SEC63: variants seen among roughly 807,000 people sequenced by gnomAD.
SEC63 encodes SEC63 protein translocation regulator, also known as translocation protein SEC63 homolog.
A neutral mutation model predicts 116.2 loss-of-function variants in SEC63; 56 were observed. The ratio of observed to expected loss-of-function variants is 0.48; its 90% confidence interval spans 0.39 to 0.60. The LOEUF is 0.60. Ranked by LOEUF, SEC63 falls within the 20% of genes least tolerant of loss-of-function variation. SEC63 has a pLI of 0.00. For missense variants in SEC63, 668 were observed against 900.0 expected, an observed-to-expected ratio of 0.74 and a Z score of 3.30; for synonymous variants, 273 against 294.6, an observed-to-expected ratio of 0.93 and a Z score of 0.75.
At chr6:107,922,673 G>A (rs1358409574) in intron 3 of SEC63, among the ~76,000 whole-genome samples, 25 of 152,010 alleles carry the variant, frequency 1.6e-4, no homozygotes, top group Admixed American at 5.9e-4. Context: ...TCTTAGTCTC[G>A]ATTTCTATTA....
At chr6:107,919,606 A>G (rs1787500264) in intron 4 of SEC63, among the ~76,000 whole-genome samples, 1 of 152,088 alleles carries the variant, frequency 6.6e-6, no homozygotes, top group Non-Finnish European at 1.5e-5. Flanking sequence ...GCGTATCACA[A>G]GGTCAGGAAA....
intron 17 of SEC63, among the ~76,000 whole-genome samples, chr6:107,881,858 T>C (rs548533109): frequency 6.6e-6 from 1 of 152,356 alleles, no homozygotes; most frequent in Non-Finnish European, 1.5e-5. Context: ...GTATTATCTT[T>C]AATCTTAGAC....
chr6:107,897,684 T>G lies in SEC63; in HGVS notation c.1405A>C (p.Thr469Pro), dbSNP rs758697670. The G allele has an allele frequency of 1.2e-6, 2 of 1,610,646 alleles. No homozygotes were observed. The highest frequency in any genetic ancestry group is 3.3e-5 in the Admixed American group (2 of 59,996). ...SNNITVGSLV[T>P]VLVKLTRQTM... ...TGCCTTGTCAACTTAACCAACACTG[T>G]AACTAAGGATCCTACTGTGATGTTG... Residue 469 changes from threonine (T) to proline (P), a missense_variant, in exon 14 of 21, where the codon ACA becomes CCA. Physicochemically the swap from Thr to Pro is conservative, Grantham distance 38 (BLOSUM62 -1). Around this residue, in one of 5 missense-constraint regions of SEC63, gnomAD observed 430 missense variants for 557.5 expected, o/e 0.77. Transcript: ENST00000369002.
chr6:107,924,566 A>G (rs1489303982), intron 3 of SEC63, among the ~76,000 whole-genome samples: 1 of 152,214 alleles, frequency 6.6e-6, no homozygotes, highest in Non-Finnish European at 1.5e-5. Context: ...ACTCTGTAAA[A>G]AAAAATGTTA....
At chr6:107,949,848 G>A (rs896935805) in intron 1 of SEC63, among the ~76,000 whole-genome samples, 3 of 152,110 alleles carry the variant, frequency 2.0e-5, no homozygotes, top group African/African-American at 7.2e-5. Context: ...TGTTGCCCAG[G>A]CTGGTTCAAA....
chr6:107,872,401 C>T (rs1416517232), intron 20 of SEC63, among the ~76,000 whole-genome samples: 1 of 151,964 alleles, frequency 6.6e-6, no homozygotes, highest in Non-Finnish European at 1.5e-5. Flanking sequence ...AAACAAAGAT[C>T]AGAGTGTGCT....
chr6:107,913,761 T>C (rs1387100423), intron 4 of SEC63, among the ~76,000 whole-genome samples: 3 of 152,236 alleles, frequency 2.0e-5, no homozygotes, highest in Non-Finnish European at 2.9e-5. Flanking sequence ...GGGAGAATTG[T>C]AGGCGATTTT....
intron 1 of SEC63, among the ~76,000 whole-genome samples, chr6:107,951,704 C>T (rs187265013): frequency 9.9e-5 from 15 of 151,914 alleles, no homozygotes; most frequent in South Asian, 4.2e-4. Context: ...CCGAAGTGGG[C>T]CGGGCGCGGT....
At position 107,932,495 on chromosome 6, in the gene SEC63, T is replaced by C. The variant is rs185993562; in HGVS notation, c.125-2981A>G. ...AGTATCAGGAAGAGGGAGAGATCCA[T>C]GTAGGGGAGAGTATGGTAGCAGAAA... On this transcript the variant is annotated intron_variant, in intron 1 of 20. Transcript: ENST00000369002. Among the ~76,000 whole-genome samples the C allele has an allele frequency of 4.1e-3, 631 of 152,182 alleles. 3 individuals carry two copies. The highest frequency in any genetic ancestry group is 0.014 in the African/African-American group (592 of 41,510).
At chr6:107,910,698 C>T (rs1033851610) in intron 7 of SEC63, among the ~76,000 whole-genome samples, 1 of 151,940 alleles carries the variant, frequency 6.6e-6, no homozygotes, top group Admixed American at 6.6e-5. Context: ...ATATGTCATA[C>T]ATATATACAT....
At chr6:107,948,935 T>C (rs960420506) in intron 1 of SEC63, among the ~76,000 whole-genome samples, 1 of 152,346 alleles carries the variant, frequency 6.6e-6, no homozygotes, top group East Asian at 1.9e-4. Flanking sequence ...GGATGGTATA[T>C]AAGCTTCTGA....
At chr6:107,923,577 G>C (rs1337998398) in intron 3 of SEC63, among the ~76,000 whole-genome samples, 1 of 152,146 alleles carries the variant, frequency 6.6e-6, no homozygotes. Flanking sequence ...CCAGGCTAGA[G>C]TGCAATGGTG....
intron 13 of SEC63, among the ~76,000 whole-genome samples, chr6:107,899,738 G>GAA (rs1786954965): frequency 2.0e-5 from 3 of 151,926 alleles, no homozygotes; most frequent in Non-Finnish European, 4.4e-5. Context: ...GAAAAGAAAA[G>GAA]AAAAGAAAAG....
At chr6:107,940,726 A>G (rs1269300260) in intron 1 of SEC63, among the ~76,000 whole-genome samples, 3 of 152,086 alleles carry the variant, frequency 2.0e-5, no homozygotes, top group Non-Finnish European at 4.4e-5. Flanking sequence ...AAAGATAGGA[A>G]AAGTTGGCAG....
Position 107,906,467 on chromosome 6 carries a change from A to C in SEC63, c.942T>G (p.Ile314Met). The C allele has an allele frequency of 6.2e-7, 1 of 1,614,172 alleles. No homozygotes were observed. The change falls in exon 10 of 21, where the codon ATT (isoleucine) becomes ATG (methionine). Residue 314 changes from isoleucine to methionine, a missense_variant. Physicochemically the swap from Ile to Met is conservative, Grantham distance 10. This residue lies in a region of SEC63 where 430 missense variants were observed against 557.5 expected (regional missense o/e 0.77). Transcript: ENST00000369002. The part of the protein sequence containing the change: ...LLLSHLARMK[I>M]PETLEEDQQF... ...AAATACCTTCTTCAAGGGTCTCAGG[A>C]ATTTTCATTCTAGCAAGATGAGACA...
intron 4 of SEC63, among the ~76,000 whole-genome samples, chr6:107,919,888 G>C (rs1410254474): frequency 6.6e-6 from 1 of 151,762 alleles, no homozygotes; most frequent in Non-Finnish European, 1.5e-5. Context: ...AGCATCACAT[G>C]CTAGAGAAAT....
chr6:107,916,327 G>C (rs949928411), intron 4 of SEC63, among the ~76,000 whole-genome samples: 2 of 152,268 alleles, frequency 1.3e-5, no homozygotes, highest in South Asian at 4.1e-4. Context: ...AGAAAATGTA[G>C]TACACACTTC....
chr6:107,893,455 T>C, intron 16 of SEC63, 27 bp downstream of exon 16: 15 of 1,600,310 alleles, frequency 9.4e-6, no homozygotes, highest in Non-Finnish European at 1.3e-5. Context: ...AGCTTAATAA[T>C]GATAATAACG....
At chr6:107,903,870 A>T (rs1787068350) in intron 11 of SEC63, among the ~76,000 whole-genome samples, 1 of 152,210 alleles carries the variant, frequency 6.6e-6, no homozygotes, top group African/African-American at 2.4e-5. Flanking sequence ...CTGTAATCAC[A>T]GCACTTTGGG....
Sources: allele counts gnomAD v4.1 joint callset (sites outside exome capture counted in the v4.1 genomes callset), GRCh38; gene constraint gnomAD v4.1.1; regional missense constraint gnomAD v4.1.1; transcripts MANE v1.5; gene names NCBI Gene and HGNC (gene_info 2026-07-23, HGNC 2026-07-21).